Variants in KCNJ3 observed in about 807,000 individuals in gnomAD.
KCNJ3 encodes the protein G protein-activated inward rectifier potassium channel 1.
KCNJ3 carries 4 observed loss-of-function variants against 39.2 expected under a neutral mutation model. The ratio of observed to expected loss-of-function variants is 0.10; its 90% CI spans 0.05 to 0.23. The LOEUF is 0.23. Ranked by LOEUF, KCNJ3 falls within the 10% of genes least tolerant of loss-of-function variation. KCNJ3 has a pLI of 1.00. For synonymous variants in KCNJ3, 230 were observed against 237.4 expected (o/e 0.97, Z 0.29); for missense variants, 276 against 634.9 (o/e 0.43, Z 6.08).
chr2:154,720,489 T>G (rs1177451056), intron 2 of KCNJ3, among the ~76,000 whole-genome samples: 1 of 152,100 alleles, frequency 6.6e-6, no homozygotes, highest in African/African-American at 2.4e-5. Context: ...TCTAAATTAA[T>G]TTTTAATATA....
At chr2:154,741,492 G>T (rs952524696) in intron 2 of KCNJ3, among the ~76,000 whole-genome samples, 6 of 151,580 alleles carry the variant, frequency 4.0e-5, no homozygotes, top group African/African-American at 1.5e-4. Context: ...GATTGACAGA[G>T]AATCGATTGT....
intron 2 of KCNJ3, among the ~76,000 whole-genome samples, chr2:154,754,835 A>G (rs948986831): frequency 1.3e-5 from 2 of 152,198 alleles, no homozygotes; most frequent in Admixed American, 1.3e-4. Context: ...TGCTTTAAAT[A>G]TTTGATAAAA....
At position 154,751,531 on chromosome 2, in the gene KCNJ3, T is replaced by C. The variant is rs180876604; in HGVS notation, c.919+41712T>C. Among the ~76,000 whole-genome samples, 573 of 152,216 alleles carry C rather than the reference T, an allele frequency of 3.8e-3. 2 individuals carry two copies. The highest frequency in any genetic ancestry group is 0.013 in the African/African-American group (535 of 41,580). ...TCCATTCACGTATCCATTTTTATTA[T>C]GTGTGCCTTTCTGTGTATTTATTAC... On this transcript the variant is annotated intron_variant, in intron 2 of 2. Coordinates refer to ENST00000295101, the MANE Select transcript of KCNJ3 (RefSeq NM_002239.4).
intron 2 of KCNJ3, among the ~76,000 whole-genome samples, chr2:154,755,793 C>T (rs570627533): frequency 6.3e-4 from 96 of 152,048 alleles, no homozygotes; most frequent in Middle Eastern, 3.4e-3. Flanking sequence ...ACAAATAATT[C>T]CATCTAAAGA....
intron 2 of KCNJ3, among the ~76,000 whole-genome samples, chr2:154,725,792 A>G (rs1328973315): frequency 1.3e-5 from 2 of 152,190 alleles, no homozygotes; most frequent in Admixed American, 1.3e-4. Flanking sequence ...GAACCCTGAA[A>G]TAAAGCCAAA....
intron 2 of KCNJ3, among the ~76,000 whole-genome samples, chr2:154,780,227 A>G (rs78188887): frequency 0.049 from 7,520 of 152,188 alleles, 384 homozygotes; most frequent in African/African-American, 0.13. Flanking sequence ...TCTGGTTATA[A>G]TAAGTGTTTC....
intron 2 of KCNJ3, among the ~76,000 whole-genome samples, chr2:154,797,999 GTCC>G (rs1170438867): frequency 6.6e-6 from 1 of 151,082 alleles, no homozygotes; most frequent in Non-Finnish European, 1.5e-5. Context: ...TCATTTCCTG[GTCC>G]TCCCAGCCTC....
intron 2 of KCNJ3, among the ~76,000 whole-genome samples, chr2:154,744,675 T>C (rs1223755000): frequency 6.6e-6 from 1 of 151,898 alleles, no homozygotes; most frequent in African/African-American, 2.4e-5. Flanking sequence ...ATATCCTCTG[T>C]TTCATTGCTG....
intron 2 of KCNJ3, among the ~76,000 whole-genome samples, chr2:154,771,938 G>C (rs1260357909): frequency 6.6e-6 from 1 of 152,190 alleles, no homozygotes; most frequent in Non-Finnish European, 1.5e-5. Flanking sequence ...TTGTTACTAA[G>C]TATTAGAGTA....
chr2:154,822,971 TAATA>T (rs1440323305), intron 2 of KCNJ3, among the ~76,000 whole-genome samples: 5 of 151,504 alleles, frequency 3.3e-5, no homozygotes, highest in Non-Finnish European at 5.9e-5. Flanking sequence ...CATATGTAAT[TAATA>T]TATAGCATTA....
chr2:154,840,423 G>T (rs1687555064), intron 2 of KCNJ3, among the ~76,000 whole-genome samples: 1 of 152,138 alleles, frequency 6.6e-6, no homozygotes, highest in African/African-American at 2.4e-5. Context: ...GGCAATGTGG[G>T]CTCTTTTTTG....
intron 2 of KCNJ3, among the ~76,000 whole-genome samples, chr2:154,831,924 T>C (rs187170976): frequency 1.1e-3 from 160 of 152,278 alleles, no homozygotes; most frequent in African/African-American, 3.8e-3. Context: ...TTGCTTCTGG[T>C]GAGGACTCAG....
In KCNJ3 at chr2:154,773,328, T is replaced by C. The variant is rs571151105; in HGVS notation, c.919+63509T>C. Among the ~76,000 whole-genome samples the C allele has an allele frequency of 7.9e-5, 12 of 152,264 alleles. 1 individual carries two copies. The South Asian group carries it at 2.5e-3, about 32-fold the overall frequency. The stretch of plus-strand genomic sequence containing the variant: ...TACCAAAATATAAATTTTAAGAGCA[T>C]GTGTGTGTGATGGTTAAGGATGATA... On this transcript the variant is annotated intron_variant, in intron 2 of 2. Transcript: ENST00000295101.
rs546713154 is a variant in KCNJ3 at position 154,770,678 on chromosome 2, C to A, written c.919+60859C>A. Among the ~76,000 whole-genome samples the A allele has an allele frequency of 8.0e-4, 122 of 152,014 alleles. 1 individual carries two copies. The highest frequency in any genetic ancestry group is 2.5e-3 in the African/African-American group (104 of 41,492). On this transcript the variant is annotated intron_variant, in intron 2 of 2. Coordinates refer to ENST00000295101, the MANE Select transcript of KCNJ3 (RefSeq NM_002239.4). Reference sequence around the variant, plus strand: ...AGAATAGGTTAGGAATCATAGGGATCCATAAAGATCCTCTAATTTTCATTC... The same window carrying A: ...AGAATAGGTTAGGAATCATAGGGATACATAAAGATCCTCTAATTTTCATTC...
At chr2:154,824,792 T>A (rs772105722) in intron 2 of KCNJ3, among the ~76,000 whole-genome samples, 1 of 152,222 alleles carries the variant, frequency 6.6e-6, no homozygotes, top group Non-Finnish European at 1.5e-5. Context: ...ACCGCATGAA[T>A]AGTTGTGTAA....
At chr2:154,730,000 G>A (rs935202666) in intron 2 of KCNJ3, among the ~76,000 whole-genome samples, 11 of 151,888 alleles carry the variant, frequency 7.2e-5, no homozygotes, top group African/African-American at 2.2e-4. Context: ...CTCCTTTACC[G>A]TCTGTAACAC....
chr2:154,845,971 G>GAA lies in KCNJ3; in HGVS notation c.920-8745_920-8744dup, dbSNP rs34720142. 1.9e-3 allele frequency among the ~76,000 whole-genome samples: 271 copies of GAA among 145,038 alleles called. 1 individual carries two copies. The highest frequency in any genetic ancestry group is 0.014 in the South Asian group (63 of 4,530). On this transcript the variant is annotated intron_variant, in intron 2 of 2. Coordinates refer to ENST00000295101, the MANE Select transcript of KCNJ3 (RefSeq NM_002239.4). ...GGCGTCACAGCGAGACTCTGTCTCA[G>GAA]AAAAAAAAAAAAGGAAGTGAATTTG...
intron 2 of KCNJ3, among the ~76,000 whole-genome samples, chr2:154,791,078 T>G (rs776274500): frequency 2.6e-5 from 4 of 151,552 alleles, no homozygotes; most frequent in Admixed American, 2.6e-4. Flanking sequence ...CAGGGAAGAG[T>G]ACTGGAGAAA....
intron 2 of KCNJ3, among the ~76,000 whole-genome samples, chr2:154,750,369 C>A (rs1685817841): frequency 6.6e-6 from 1 of 151,758 alleles, no homozygotes; most frequent in South Asian, 2.1e-4. Context: ...AATATCTGTA[C>A]TGAAGAAATT....
Sources: allele counts gnomAD v4.1 joint callset (sites outside exome capture counted in the v4.1 genomes callset), GRCh38; gene constraint gnomAD v4.1.1; transcripts MANE v1.5; gene names NCBI Gene and HGNC (gene_info 2026-07-23, HGNC 2026-07-21).